Variants in PLCH1 observed in about 807,000 individuals in gnomAD.
PLCH1 encodes the protein 1-phosphatidylinositol 4,5-bisphosphate phosphodiesterase eta-1.
PLCH1 carries 60 observed loss-of-function variants against 126.7 expected under a neutral mutation model. That is an observed-to-expected ratio of 0.47 (90% CI 0.38 to 0.59). PLCH1 has a LOEUF of 0.59. Among genes scored for constraint, PLCH1 ranks in the 20% least tolerant of loss-of-function variants. The pLI, the probability that PLCH1 is intolerant of heterozygous loss-of-function variation, is 0.00. For synonymous variants in PLCH1, 719 were observed against 734.9 expected, an observed-to-expected ratio of 0.98 and a Z score of 0.35; for missense variants, 1,723 against 2,040.0, an observed-to-expected ratio of 0.84 and a Z score of 2.99.
chr3:155,675,219 T>C (rs1200121024), intron 2 of PLCH1, among the ~76,000 whole-genome samples: 2 of 152,192 alleles, frequency 1.3e-5, no homozygotes, highest in Admixed American at 6.5e-5. Context: ...TGGGATAAAG[T>C]TACATTTGAG....
chr3:155,575,924 G>C (rs1729884763), intron 6 of PLCH1, among the ~76,000 whole-genome samples: 1 of 152,094 alleles, frequency 6.6e-6, no homozygotes, highest in Admixed American at 6.5e-5. Context: ...GGGATTACAG[G>C]GGCAAACCAC....
chr3:155,501,898 G>T (rs186759235), intron 13 of PLCH1, among the ~76,000 whole-genome samples: 1 of 152,182 alleles, frequency 6.6e-6, no homozygotes, highest in African/African-American at 2.4e-5. Context: ...AAGGTAAGAT[G>T]TTTAGACAGA....
intron 2 of PLCH1, among the ~76,000 whole-genome samples, chr3:155,608,833 AC>A (rs1357835978): frequency 6.6e-6 from 1 of 152,094 alleles, no homozygotes; most frequent in Non-Finnish European, 1.5e-5. Context: ...CGCCTGAGAA[AC>A]CAGAATATTT....
At chr3:155,539,017 C>T (rs545098974) in intron 10 of PLCH1, among the ~76,000 whole-genome samples, 181 of 151,688 alleles carry the variant, frequency 1.2e-3, no homozygotes, top group Non-Finnish European at 1.5e-3. Flanking sequence ...CAAATACTAG[C>T]TAATTGAATC....
intron 10 of PLCH1, among the ~76,000 whole-genome samples, chr3:155,546,829 T>C: frequency 1.3e-5 from 2 of 148,918 alleles, no homozygotes; most frequent in African/African-American, 2.5e-5. Flanking sequence ...GAAAACTGGC[T>C]AGCCATATGA....
At position 155,669,767 on chromosome 3, in the gene PLCH1, T is replaced by A. The variant is rs541750468; in HGVS notation, c.79+34379A>T. Among the ~76,000 whole-genome samples the A allele has an allele frequency of 2.1e-3, 316 of 152,346 alleles. 2 individuals carry two copies. The highest frequency in any genetic ancestry group is 7.5e-3 in the African/African-American group (310 of 41,590). ...CATGGTGTGAGAGGCACCTGTTTAC[T>A]AAGTCCAACTGAAGACCTGTCTCCT... On this transcript the variant is annotated intron_variant, in intron 2 of 22. Transcript: ENST00000460012.
chr3:155,685,716 C>CGA (rs1744882765), intron 2 of PLCH1, among the ~76,000 whole-genome samples: 1 of 152,160 alleles, frequency 6.6e-6, no homozygotes, highest in African/African-American at 2.4e-5. Flanking sequence ...GTTCCTAGCC[C>CGA]AGCATATAAG....
chr3:155,684,237 T>A (rs1471436795), intron 2 of PLCH1, among the ~76,000 whole-genome samples: 1 of 151,996 alleles, frequency 6.6e-6, no homozygotes, highest in Non-Finnish European at 1.5e-5. Context: ...ACTGGTCCCA[T>A]AAGGAAAGCA....
At chr3:155,703,846 CA>C (rs1746454017) in intron 2 of PLCH1, among the ~76,000 whole-genome samples, 1 of 152,132 alleles carries the variant, frequency 6.6e-6, no homozygotes, top group South Asian at 2.1e-4. Flanking sequence ...TAATTACAAA[CA>C]TCAGAAAGGG....
intron 2 of PLCH1, among the ~76,000 whole-genome samples, chr3:155,689,327 C>T (rs912720089): frequency 4.6e-5 from 7 of 152,080 alleles, no homozygotes; most frequent in African/African-American, 1.7e-4. Flanking sequence ...CAAGTTTAGA[C>T]CGTGAAGACT....
intron 3 of PLCH1, among the ~76,000 whole-genome samples, chr3:155,595,887 T>C (rs72996997): frequency 0.052 from 7,968 of 152,148 alleles, 432 homozygotes; most frequent in African/African-American, 0.13. Context: ...AATATGACAA[T>C]ACATTTTAAA....
intron 21 of PLCH1, among the ~76,000 whole-genome samples, chr3:155,464,568 G>T (rs1712859620): frequency 6.6e-6 from 1 of 151,984 alleles, no homozygotes; most frequent in Non-Finnish European, 1.5e-5. Context: ...CCTGGATTCT[G>T]CAGTTCTATT....
chr3:155,517,005 A>G (rs1173081182), intron 11 of PLCH1, among the ~76,000 whole-genome samples: 1 of 152,124 alleles, frequency 6.6e-6, no homozygotes, highest in African/African-American at 2.4e-5. Context: ...AAAGATAAGT[A>G]TATTAGTTTC....
chr3:155,688,569 G>A (rs936454612), intron 2 of PLCH1, among the ~76,000 whole-genome samples: 2 of 152,174 alleles, frequency 1.3e-5, no homozygotes, highest in Admixed American at 6.5e-5. Context: ...GCCACAGTGG[G>A]GTAGAGCAAA....
intron 1 of PLCH1, among the ~76,000 whole-genome samples, chr3:155,715,603 CCTCT>C (rs1747442618): frequency 6.8e-6 from 1 of 147,060 alleles, no homozygotes; most frequent in Non-Finnish European, 1.5e-5. Flanking sequence ...CCACATCTGG[CCTCT>C]TTTTTTTTTT....
chr3:155,699,091 T>A (rs535028680), intron 2 of PLCH1, among the ~76,000 whole-genome samples: 84 of 151,994 alleles, frequency 5.5e-4, no homozygotes, highest in African/African-American at 1.9e-3. Flanking sequence ...TCTTTTTTTT[T>A]TTTGAGACAG....
At chr3:155,452,080 T>G (rs57951243) in intron 21 of PLCH1, among the ~76,000 whole-genome samples, 4,883 of 152,244 alleles carry the variant, frequency 0.032, 264 homozygotes, top group African/African-American at 0.11. Context: ...TCTGTTTTCA[T>G]GTTGCTGATA....
At chr3:155,648,946 G>A (rs1176363453) in intron 2 of PLCH1, among the ~76,000 whole-genome samples, 2 of 152,164 alleles carry the variant, frequency 1.3e-5, no homozygotes, top group Admixed American at 6.5e-5. Flanking sequence ...GGGAGGCAGG[G>A]CCAACGACAT....
intron 2 of PLCH1, chr3:155,676,011 A>C (rs942516414): frequency 6.5e-7 from 1 of 1,533,488 alleles, no homozygotes. Context: ...TTCTGGACTT[A>C]AGTTTTTATA....
Sources: gnomAD v4.1 joint callset for allele counts (sites outside exome capture counted in the v4.1 genomes callset) on GRCh38, gnomAD v4.1.1 for gene constraint, MANE v1.5 for transcripts, NCBI Gene and HGNC (gene_info 2026-07-23, HGNC 2026-07-21) for gene names.